Variants in GLP1R observed in about 807,000 individuals in gnomAD.
GLP1R encodes glucagon-like peptide 1 receptor.
In GLP1R, 32 loss-of-function variants were observed where a neutral mutation model predicts 68.4. The observed-to-expected ratio is 0.47, with a 90% CI of 0.35 to 0.63. GLP1R has a LOEUF of 0.63. GLP1R is among the 20% of genes least tolerant of loss of function. GLP1R has a pLI of 0.00. For synonymous variants in GLP1R, 263 were observed against 244.4 expected, an observed-to-expected ratio of 1.08 and a Z score of -0.71; for missense variants, 502 against 594.9, an observed-to-expected ratio of 0.84 and a Z score of 1.62.
intron 3 of GLP1R, among the ~76,000 whole-genome samples, chr6:39,058,900 G>A (rs566299703): frequency 3.9e-5 from 6 of 152,352 alleles, no homozygotes; most frequent in Admixed American, 1.3e-4. Flanking sequence ...TGAAGGGGCT[G>A]GAGCCCAAGC....
rs1437344116 is a variant in GLP1R at position 39,089,194 on chromosome 6, T to C, written c.*3121T>C. On this transcript the variant is annotated 3_prime_UTR_variant, in exon 13 of 13. Transcript: ENST00000373256. The surrounding 1 kb of genome is among the most constrained non-coding windows in gnomAD (Gnocchi z 4.1). ...TCATCCTTGTCTTAAACTTAAGAAA[T>C]GAAATGCATCAGGGCACACATATAC... Among the ~76,000 whole-genome samples, 2 of 152,220 alleles carry C rather than the reference T, an allele frequency of 1.3e-5. No homozygotes were observed. The highest frequency in any genetic ancestry group is 2.9e-5 in the Non-Finnish European group (2 of 68,046).
At chr6:39,057,393 G>A in intron 2 of GLP1R, 79 bp from the exon 3 acceptor site, 1 of 873,038 alleles carries the variant, frequency 1.1e-6, no homozygotes, top group Non-Finnish European at 1.9e-6. Context: ...CCGAGGAGGG[G>A]AGGGGTCTTG....
At chr6:39,050,026 C>T (rs539733264) in intron 1 of GLP1R, among the ~76,000 whole-genome samples, 3 of 152,290 alleles carry the variant, frequency 2.0e-5, no homozygotes, top group Non-Finnish European at 2.9e-5. Flanking sequence ...GACTCCACCT[C>T]GGCGGAAACC....
rs761042958 is a variant in GLP1R at position 39,066,351 on chromosome 6, C to T, written c.509+48C>T. ...AGGGGGCTGCTTCATCCTAACTCCC[C>T]CAGATAGAGGAATGAAGCAGCCCAA... On this transcript the variant is annotated intron_variant, in intron 5 of 12. Transcript: ENST00000373256. 8 of 995,906 alleles carry T rather than the reference C, an allele frequency of 8.0e-6. No individual in the cohort carries two copies. The South Asian group carries it at 1.1e-4, about 13-fold the overall frequency. 61.7% of individuals were successfully genotyped at this position (995,906 alleles called of 1,614,324 possible).
chr6:39,080,193 C>T (rs1431935474), intron 11 of GLP1R, among the ~76,000 whole-genome samples: 2 of 150,330 alleles, frequency 1.3e-5, no homozygotes, highest in Non-Finnish European at 3.0e-5. Context: ...CCTGCCTGCC[C>T]CTCAAGAGTG....
intron 7 of GLP1R, among the ~76,000 whole-genome samples, chr6:39,076,076 G>A (rs1768817835): frequency 6.6e-6 from 1 of 152,200 alleles, no homozygotes; most frequent in African/African-American, 2.4e-5. Context: ...AAATGCTGAC[G>A]ATGAGTGAAA....
In GLP1R at chr6:39,090,004, AATTAGGATCAACTCTTAAC is replaced by A. The variant is rs1260319855; in HGVS notation, c.*3935_*3953del. Among the ~76,000 whole-genome samples, 22 of 152,158 alleles carry A rather than the reference AATTAGGATCAACTCTTAAC, an allele frequency of 1.4e-4. No homozygotes were observed. Among genetic ancestry groups the A allele is most frequent in the African/African-American group, 3.9e-4 (16 of 41,432 alleles). On this transcript the variant is annotated 3_prime_UTR_variant, in exon 13 of 13. Coordinates refer to ENST00000373256, the MANE Select transcript of GLP1R (RefSeq NM_002062.5). ...CGTGCTAAACATTCAGCAGAAACCA[AATTAGGATCAACTCTTAAC>A]ATTTTTTCCCTCTTTTGTGGCTGGA...
chr6:39,072,190 T>C (rs1166204890), intron 5 of GLP1R, among the ~76,000 whole-genome samples: 4 of 152,232 alleles, frequency 2.6e-5, no homozygotes, highest in African/African-American at 9.6e-5. Context: ...AACTATTTTG[T>C]TTACTTCTGA....
At chr6:39,070,843 C>T (rs1030044875) in intron 5 of GLP1R, among the ~76,000 whole-genome samples, 7 of 151,566 alleles carry the variant, frequency 4.6e-5, no homozygotes, top group Non-Finnish European at 1.0e-4. Flanking sequence ...AGGATTTACC[C>T]TCTCTTTAGT....
rs536289856 is a variant in GLP1R, at chr6:39,086,082, C to T, written c.*9C>T. 31 of 1,612,364 alleles carry T rather than the reference C, an allele frequency of 1.9e-5. No individual in the cohort carries two copies. Among genetic ancestry groups the T allele is most frequent in the South Asian group, 1.4e-4 (13 of 90,946 alleles). On this transcript the variant is annotated 3_prime_UTR_variant, in exon 13 of 13. Transcript: ENST00000373256. The surrounding 1 kb of genome is among the most constrained non-coding windows in gnomAD (Gnocchi z 4.5). The stretch of plus-strand genomic sequence containing the variant: ...AGGCCTCCTGCAGCTGAGACTCCAG[C>T]GCCTGCCCTCCCTGGGGTCCTTGCT...
chr6:39,060,836 C>T (rs1175657638), intron 3 of GLP1R, among the ~76,000 whole-genome samples: 6 of 152,192 alleles, frequency 3.9e-5, no homozygotes, highest in Non-Finnish European at 8.8e-5. Flanking sequence ...AGGGATGCCA[C>T]TGAGACCTTA....
chr6:39,059,200 C>T (rs534001632), intron 3 of GLP1R, among the ~76,000 whole-genome samples: 36 of 152,182 alleles, frequency 2.4e-4, no homozygotes, highest in African/African-American at 6.5e-4. Flanking sequence ...AAGCACTTTC[C>T]GTGCTACACT....
chr6:39,065,705 C>T lies in GLP1R; in HGVS notation c.284-6C>T, dbSNP rs1441569934. 2 of 1,549,644 alleles carry T rather than the reference C, an allele frequency of 1.3e-6. No individual in the cohort carries two copies. Among genetic ancestry groups the T allele is most frequent in the African/African-American group, 2.7e-5 (2 of 73,458 alleles). On this transcript the variant is annotated splice_polypyrimidine_tract_variant and splice_region_variant and intron_variant, in intron 3 of 12. Transcript: ENST00000373256. ...TGAGGCTCAGGGCCAGGTCTCCCCA[C>T]CCCAGTGCCGCAGGGCCACGTGTAC...
intron 7 of GLP1R, among the ~76,000 whole-genome samples, chr6:39,076,185 G>A (rs1768821168): frequency 6.6e-6 from 1 of 152,182 alleles, no homozygotes; most frequent in Non-Finnish European, 1.5e-5. Context: ...CCAGAAGGAA[G>A]CTTCTGCATG....
In GLP1R at chr6:39,049,031, C is replaced by T. The variant is rs1032259447; in HGVS notation, c.78+113C>T. The T allele has an allele frequency of 6.1e-6, 3 of 495,802 alleles. No homozygotes were observed. Among genetic ancestry groups the T allele is most frequent in the Non-Finnish European group, 1.0e-5 (3 of 287,504 alleles). 30.7% of individuals were successfully genotyped at this position (495,802 alleles called of 1,614,324 possible). ...TTGAACGAAACTCCGAGACCGCTGG[C>T]GGGGGCATCCGAAAGCCTCGGGGGG... is the stretch of plus-strand genomic sequence containing the variant. On this transcript the variant is annotated intron_variant, in intron 1 of 12. Coordinates refer to ENST00000373256, the MANE Select transcript of GLP1R (RefSeq NM_002062.5). This position sits in a 1 kb window ranked among gnomAD's most constrained non-coding sequence, Gnocchi z 4.5.
intron 7 of GLP1R, among the ~76,000 whole-genome samples, chr6:39,076,525 C>T (rs1768834022): frequency 6.6e-6 from 1 of 152,174 alleles, no homozygotes; most frequent in Admixed American, 6.5e-5. Context: ...TAGATCTGGG[C>T]ACACAACCTG....
rs559402913 is a variant in GLP1R at position 39,049,731 on chromosome 6, G to A, written c.78+813G>A. ...TGCCACCAGAGAGCAGGCCACAGGTGGACCACCGCAGCCCCTCTCTCTTGC... is the reference window on the plus strand; with the variant it reads ...TGCCACCAGAGAGCAGGCCACAGGTAGACCACCGCAGCCCCTCTCTCTTGC... On this transcript the variant is annotated intron_variant, in intron 1 of 12. Coordinates refer to ENST00000373256, the MANE Select transcript of GLP1R (RefSeq NM_002062.5). The surrounding 1 kb of genome is among the most constrained non-coding windows in gnomAD (Gnocchi z 4.5). Among the ~76,000 whole-genome samples the A allele has an allele frequency of 1.4e-4, 21 of 152,240 alleles. No homozygotes were observed. The East Asian group carries it at 4.1e-3, about 29-fold the overall frequency.
intron 12 of GLP1R, among the ~76,000 whole-genome samples, chr6:39,083,741 G>A (rs1055990555): frequency 6.6e-5 from 10 of 152,160 alleles, no homozygotes; most frequent in African/African-American, 2.4e-4. Flanking sequence ...AGGGAGGTCA[G>A]GAGGGGTGTG....
Position 39,048,901 on chromosome 6 carries a change from GCCGGCCC to G in GLP1R, c.65_71del (p.Gly22AlafsTer27). 7.0e-7 allele frequency: 1 copy of G among 1,420,302 alleles called. No individual in the cohort carries two copies. The allele number at this position is 1,420,302 out of a possible 1,614,324, so 88.0% of individuals were successfully genotyped here. On this transcript the variant is annotated frameshift_variant, in exon 1 of 13. Coordinates refer to ENST00000373256, the MANE Select transcript of GLP1R (RefSeq NM_002062.5). LOFTEE classifies it high-confidence loss of function. ...GCTGCTGCTCGGGATGGTGGGCAGG[GCCGGCCC>G]CCGCCCCCAGGTGAGATCCAGGGAC...
Sources: gnomAD v4.1 joint callset for allele counts (sites outside exome capture counted in the v4.1 genomes callset) on GRCh38, gnomAD v4.1.1 for gene constraint, Gnocchi (gnomAD v3.1) non-coding constraint, MANE v1.5 for transcripts, NCBI Gene and HGNC (gene_info 2026-07-23, HGNC 2026-07-21) for gene names.